Variants in ABCB5 observed in about 807,000 individuals in gnomAD.
ABCB5 encodes ATP-binding cassette sub-family B member 5.
In ABCB5, 155 loss-of-function variants were observed where a neutral mutation model predicts 144.2. That is an observed-to-expected ratio of 1.08 (90% CI 0.94 to 1.23). The LOEUF is 1.23. ABCB5 is among the 50% of genes most tolerant of loss of function. ABCB5 has a pLI of 0.00. For synonymous variants in ABCB5, 610 were observed against 528.6 expected, an observed-to-expected ratio of 1.15 and a Z score of -2.11; for missense variants, 1,830 against 1,520.8, an observed-to-expected ratio of 1.20 and a Z score of -3.38.
At chr7:20,659,193 T>A (rs1784914904) in intron 14 of ABCB5, 19 of 1,609,758 alleles carry the variant, frequency 1.2e-5, no homozygotes, top group African/African-American at 2.7e-5. Context: ...TATGAGCTAC[T>A]GCACATACCT....
intron 20 of ABCB5, among the ~76,000 whole-genome samples, chr7:20,713,400 C>A (rs1185201911): frequency 6.7e-6 from 1 of 148,854 alleles, no homozygotes; most frequent in Non-Finnish European, 1.5e-5. Flanking sequence ...CCACACTCAG[C>A]TAATTTTTTT....
At chr7:20,642,926 T>C (rs1784324644) in intron 5 of ABCB5, among the ~76,000 whole-genome samples, 1 of 152,210 alleles carries the variant, frequency 6.6e-6, no homozygotes, top group South Asian at 2.1e-4. Context: ...GTATTAAAAA[T>C]ACTGAAAGAA....
intron 5 of ABCB5, among the ~76,000 whole-genome samples, chr7:20,639,975 A>G (rs1388382991): frequency 4.6e-5 from 7 of 152,154 alleles, no homozygotes; most frequent in Non-Finnish European, 2.9e-5. Flanking sequence ...GAGTCTCCCA[A>G]TCCATCAACA....
intron 23 of ABCB5, among the ~76,000 whole-genome samples, chr7:20,735,356 C>T (rs745965516): frequency 2.4e-4 from 37 of 152,212 alleles, no homozygotes; most frequent in Admixed American, 5.9e-4. Flanking sequence ...AACAGTGGGT[C>T]GATACCTTAA....
At chr7:20,685,382 C>G (rs1583424711) in intron 15 of ABCB5, among the ~76,000 whole-genome samples, 1 of 152,278 alleles carries the variant, frequency 6.6e-6, no homozygotes, top group East Asian at 1.9e-4. Flanking sequence ...TATCTTCTGT[C>G]TCAAAAAGCT....
At chr7:20,663,607 T>C (rs1418117673) in intron 14 of ABCB5, among the ~76,000 whole-genome samples, 4 of 152,040 alleles carry the variant, frequency 2.6e-5, no homozygotes, top group Non-Finnish European at 5.9e-5. Flanking sequence ...GGAGTTAGTG[T>C]TTAATGGGTA....
At chr7:20,717,530 C>G (rs1047413055) in intron 20 of ABCB5, among the ~76,000 whole-genome samples, 1 of 151,430 alleles carries the variant, frequency 6.6e-6, no homozygotes, top group Non-Finnish European at 1.5e-5. Context: ...GCAACCTCCG[C>G]CTCCCGGGTT....
rs1264639702 is a variant in ABCB5, at chr7:20,753,428, T to A, written c.3498T>A (p.Ile1166=). ...GCGGCCAGAAACAAAGACTAGCTATTGCAAGGGCTCTTCTCCAAAAACCCA... is the reference window on the plus strand; with the variant it reads ...GCGGCCAGAAACAAAGACTAGCTATAGCAAGGGCTCTTCTCCAAAAACCCA... The part of the protein sequence containing the change: ...LSGGQKQRLA[I]ARALLQKPKI... The change falls in exon 27 of 28, where the codon ATT becomes ATA. Residue 1166 remains isoleucine, a synonymous_variant. Transcript: ENST00000404938. 6.2e-7 allele frequency: 1 copy of A among 1,614,178 alleles called. No homozygotes were observed. The highest frequency in any genetic ancestry group is 1.6e-4 in the Middle Eastern group (1 of 6,062).
chr7:20,714,372 GC>G (rs1451946965), intron 20 of ABCB5, among the ~76,000 whole-genome samples: 1 of 150,604 alleles, frequency 6.6e-6, no homozygotes, highest in Non-Finnish European at 1.5e-5. Context: ...GTATTTTTGT[GC>G]CTCTTGCTAA....
chr7:20,624,933 C>G (rs1783876156), intron 2 of ABCB5, among the ~76,000 whole-genome samples: 1 of 151,596 alleles, frequency 6.6e-6, no homozygotes, highest in Non-Finnish European at 1.5e-5. Context: ...CCAAACCCGC[C>G]CACCTGCCCA....
intron 4 of ABCB5, 145 bp from the exon 5 acceptor site, chr7:20,631,914 G>A (rs772126651): frequency 6.3e-4 from 282 of 448,412 alleles, no homozygotes; most frequent in Non-Finnish European, 9.7e-4. Flanking sequence ...TTAAAGAATA[G>A]AAAATGAGAT....
intron 20 of ABCB5, among the ~76,000 whole-genome samples, chr7:20,717,684 G>T (rs1781720237): frequency 6.6e-6 from 1 of 151,634 alleles, no homozygotes; most frequent in East Asian, 1.9e-4. Context: ...TGATCTGCCC[G>T]CCTCGGCCTC....
intron 23 of ABCB5, among the ~76,000 whole-genome samples, chr7:20,730,790 T>C (rs2128052202): frequency 6.6e-6 from 1 of 152,312 alleles, no homozygotes; most frequent in Non-Finnish European, 1.5e-5. Context: ...TTGGTTGTAA[T>C]CCAAAAGTTT....
intron 16 of ABCB5, 77 bp downstream of exon 16, chr7:20,685,913 AT>A: frequency 7.2e-7 from 1 of 1,388,818 alleles, no homozygotes; most frequent in Non-Finnish European, 9.5e-7. Flanking sequence ...TTTAAAATTT[AT>A]TTATAGTAAA....
chr7:20,635,288 A>T (rs1216198884), intron 5 of ABCB5, among the ~76,000 whole-genome samples: 2 of 151,300 alleles, frequency 1.3e-5, no homozygotes, highest in African/African-American at 4.9e-5. Flanking sequence ...CAGTACCATG[A>T]TATTTTCGTT....
At chr7:20,742,112 G>A (rs762046351) in intron 24 of ABCB5, among the ~76,000 whole-genome samples, 7 of 152,178 alleles carry the variant, frequency 4.6e-5, no homozygotes, top group Non-Finnish European at 8.8e-5. Context: ...GGTGGCTCAC[G>A]CCTGTAATCC....
At chr7:20,619,922 T>A (rs12667658) in intron 1 of ABCB5, among the ~76,000 whole-genome samples, 54,988 of 151,904 alleles carry the variant, frequency 0.36, 10,295 homozygotes, top group African/African-American at 0.47. Context: ...AGCACCATTT[T>A]TTGGAGTCAT....
At chr7:20,648,109 G>A (rs914576731) in intron 11 of ABCB5, 31 bp downstream of exon 11, 1 of 1,298,714 alleles carries the variant, frequency 7.7e-7, no homozygotes, top group Non-Finnish European at 1.1e-6. Flanking sequence ...CAATTGTGCA[G>A]TTTTCTGATA....
intron 20 of ABCB5, among the ~76,000 whole-genome samples, chr7:20,719,296 C>T (rs1231645655): frequency 6.6e-6 from 1 of 152,086 alleles, no homozygotes; most frequent in Admixed American, 6.5e-5. Context: ...AAGTATCATA[C>T]ATCCCACTGA....
Sources: gnomAD v4.1 joint callset for allele counts (sites outside exome capture counted in the v4.1 genomes callset) on GRCh38, gnomAD v4.1.1 for gene constraint, MANE v1.5 for transcripts, NCBI Gene and HGNC (gene_info 2026-07-23, HGNC 2026-07-21) for gene names.